HM13: variants seen among roughly 807,000 people sequenced by gnomAD.
HM13 encodes signal peptide peptidase.
HM13 carries 18 observed loss-of-function variants against 50.0 expected under a neutral mutation model. The observed-to-expected ratio is 0.36, with a 90% CI of 0.25 to 0.53. HM13 has a LOEUF of 0.53. HM13 is among the 20% of genes least tolerant of loss of function. The pLI, the probability that HM13 is intolerant of heterozygous loss-of-function variation, is 0.90. For missense variants in HM13, 393 were observed against 552.4 expected, an observed-to-expected ratio of 0.71 and a Z score of 2.89; for synonymous variants, 197 against 232.6, an observed-to-expected ratio of 0.85 and a Z score of 1.39.
intron 4 of HM13, chr20:31,547,495 C>CG: frequency 1.5e-6 from 1 of 686,508 alleles, no homozygotes; most frequent in East Asian, 2.8e-5. Flanking sequence ...GCCCGCTTCA[C>CG]CCTGGATCAT....
At chr20:31,544,910 G>T in intron 3 of HM13, 37 bp from the exon 4 acceptor site, 1 of 1,569,420 alleles carries the variant, frequency 6.4e-7, no homozygotes, top group Non-Finnish European at 8.8e-7. Context: ...TGCCCATGGG[G>T]GCTCTGTTTG....
rs755586342 is a variant in HM13, at chr20:31,549,161, G to A, written c.541-46G>A. 4 of 1,614,148 alleles carry A rather than the reference G, an allele frequency of 2.5e-6. No homozygotes were observed. The East Asian group carries it at 6.7e-5, about 27-fold the overall frequency. Reference sequence around the variant, plus strand: ...AGAAGGGGAGGATGGGGTTGACAGGGCAGGGTGGGTCACAGCAAGCTGGTC... The same window carrying A: ...AGAAGGGGAGGATGGGGTTGACAGGACAGGGTGGGTCACAGCAAGCTGGTC... On this transcript the variant is annotated intron_variant, in intron 5 of 12. Coordinates refer to ENST00000398174, the MANE Select transcript of HM13 (RefSeq NM_178581.3).
At chr20:31,516,434 C>A (rs114208918) in intron 1 of HM13, among the ~76,000 whole-genome samples, 1 of 152,090 alleles carries the variant, frequency 6.6e-6, no homozygotes, top group African/African-American at 2.4e-5. Flanking sequence ...AATTCGGGAG[C>A]GTAGGTGAAA....
chr20:31,542,920 GA>G (rs1346904899), intron 3 of HM13, among the ~76,000 whole-genome samples: 1 of 152,158 alleles, frequency 6.6e-6, no homozygotes, highest in Non-Finnish European at 1.5e-5. Context: ...TTGAGCCCAG[GA>G]AGTCTGGCTC....
intron 12 of HM13, 35 bp from the exon 13 acceptor site, chr20:31,569,085 T>C: frequency 6.9e-7 from 1 of 1,445,536 alleles, no homozygotes; most frequent in Non-Finnish European, 9.4e-7. Flanking sequence ...CTCCTCTAAA[T>C]GAATTTTTAT....
chr20:31,529,124 T>C (rs570712113), intron 2 of HM13, among the ~76,000 whole-genome samples: 2 of 152,060 alleles, frequency 1.3e-5, no homozygotes, highest in African/African-American at 2.4e-5. Context: ...TGATTTTGTT[T>C]TATTGTATTT....
At chr20:31,539,050 T>C in intron 3 of HM13, 1 of 983,990 alleles carries the variant, frequency 1.0e-6, no homozygotes. Context: ...CAGGTGTGGC[T>C]CCAGAGCCCA....
chr20:31,566,807 C>T (rs1276650679), intron 11 of HM13, among the ~76,000 whole-genome samples: 1 of 152,056 alleles, frequency 6.6e-6, no homozygotes, highest in East Asian at 1.9e-4. Flanking sequence ...GTATCTCACA[C>T]AGATACCCCT....
At chr20:31,546,463 G>C (rs1983724782) in intron 4 of HM13, among the ~76,000 whole-genome samples, 1 of 150,930 alleles carries the variant, frequency 6.6e-6, no homozygotes, top group African/African-American at 2.4e-5. Flanking sequence ...TTTTTTTAAA[G>C]ACTGAGCTTG....
intron 12 of HM13, among the ~76,000 whole-genome samples, chr20:31,568,788 T>C (rs936292192): frequency 1.3e-5 from 2 of 152,212 alleles, no homozygotes; most frequent in African/African-American, 2.4e-5. Flanking sequence ...AGCCTTGTCA[T>C]GGCCACCCCT....
chr20:31,554,179 C>G (rs971353283), intron 7 of HM13, among the ~76,000 whole-genome samples: 1 of 151,988 alleles, frequency 6.6e-6, no homozygotes, highest in Non-Finnish European at 1.5e-5. Flanking sequence ...GTGTGAGTTT[C>G]ATACAACAAG....
intron 5 of HM13, 37 bp downstream of exon 5, chr20:31,549,151 G>A (rs947507005): frequency 1.9e-6 from 3 of 1,613,956 alleles, no homozygotes; most frequent in Admixed American, 1.7e-5. Flanking sequence ...GGGAGGATGG[G>A]GTTGACAGGG....
intron 11 of HM13, 92 bp downstream of exon 11, chr20:31,566,387 C>T: frequency 9.7e-7 from 1 of 1,025,748 alleles, no homozygotes; most frequent in South Asian, 1.3e-5. Flanking sequence ...TACACCTCTC[C>T]AGGGGAACAT....
Position 31,569,341 on chromosome 20 carries a change from C to A in HM13, c.*122C>A. ...AGCTCCAGGACAGGGCAGGGGGCAG[C>A]AGGATACCTCCAGCCAGGCCTCTGT... On this transcript the variant is annotated 3_prime_UTR_variant, in exon 13 of 13. Transcript: ENST00000398174. The A allele has an allele frequency of 1.6e-6, 1 of 611,574 alleles. No individual in the cohort carries two copies. The highest frequency in any genetic ancestry group is 2.9e-5 in the Admixed American group (1 of 34,406). The allele number at this position is 611,574 out of a possible 1,614,324, so 37.9% of individuals were successfully genotyped here.
In HM13 at chr20:31,549,256, T is replaced by C; in HGVS notation, c.590T>C (p.Val197Ala). Residue 197 changes from valine to alanine, a missense_variant, in exon 6 of 13, where the codon GTA (valine) becomes GCA (alanine). Val to Ala is a moderately conservative substitution (Grantham distance 64). Transcript: ENST00000398174. ...GGCCTGGCCTTCTCCCTTAATGGAG[T>C]AGAGCTCCTGCACCTCAACAATGTC... Reference protein sequence around the residue: ...LFGLAFSLNGVELLHLNNVST... With the variant: ...LFGLAFSLNGAELLHLNNVST... 6.2e-7 allele frequency: 1 copy of C among 1,614,046 alleles called. No homozygotes were observed. Among genetic ancestry groups the C allele is most frequent in the Non-Finnish European group, 8.5e-7 (1 of 1,179,978 alleles).
intron 8 of HM13, among the ~76,000 whole-genome samples, chr20:31,557,254 G>A (rs899037781): frequency 3.9e-5 from 6 of 152,162 alleles, no homozygotes. Context: ...CAAAAGAAAT[G>A]GAGTCCTGTA....
intron 1 of HM13, among the ~76,000 whole-genome samples, chr20:31,519,490 A>T (rs1231629529): frequency 1.3e-5 from 2 of 152,190 alleles, no homozygotes; most frequent in Admixed American, 1.3e-4. Flanking sequence ...TGTGTTCTTT[A>T]ACAGCTGTAT....
In HM13 at chr20:31,544,899, C is replaced by A. The variant is rs903354730; in HGVS notation, c.366-48C>A. On this transcript the variant is annotated intron_variant, in intron 3 of 12. Coordinates refer to ENST00000398174, the MANE Select transcript of HM13 (RefSeq NM_178581.3). Reference sequence around the variant, plus strand: ...TGGGGCAGGGGTGTGTTAAGGCTGACTGCCCATGGGGGCTCTGTTTGCCGA... The same window carrying A: ...TGGGGCAGGGGTGTGTTAAGGCTGAATGCCCATGGGGGCTCTGTTTGCCGA... 8 of 1,506,318 alleles carry A rather than the reference C, an allele frequency of 5.3e-6. No homozygotes were observed. The South Asian group carries it at 9.0e-5, about 17-fold the overall frequency. The allele number at this position is 1,506,318 out of a possible 1,614,324, so 93.3% of individuals were successfully genotyped here.
At chr20:31,528,377 C>T (rs1982618079) in intron 2 of HM13, among the ~76,000 whole-genome samples, 1 of 152,214 alleles carries the variant, frequency 6.6e-6, no homozygotes. Flanking sequence ...AGTGCAATGG[C>T]GCCATCACAG....
Sources: gnomAD v4.1 joint callset for allele counts (sites outside exome capture counted in the v4.1 genomes callset) on GRCh38, gnomAD v4.1.1 for gene constraint, MANE v1.5 for transcripts, NCBI Gene and HGNC (gene_info 2026-07-23, HGNC 2026-07-21) for gene names.